CYP26B1: variants seen among roughly 807,000 people sequenced by gnomAD.
CYP26B1 encodes the protein cytochrome P450 family 26 subfamily B member 1.
In CYP26B1, 8 loss-of-function variants were observed where a neutral mutation model predicts 39.1. That is an observed-to-expected ratio of 0.20 (90% CI 0.12 to 0.37). CYP26B1 has a LOEUF of 0.37. Ranked by LOEUF, CYP26B1 falls within the 10% of genes least tolerant of loss-of-function variation. CYP26B1 has a pLI of 1.00. For synonymous variants in CYP26B1, 321 were observed against 314.3 expected (o/e 1.02, Z -0.23); for missense variants, 615 against 707.0 (o/e 0.87, Z 1.48).
Position 72,132,091 on chromosome 2 carries a change from A to C in CYP26B1, c.*136T>G. On this transcript the variant is annotated 3_prime_UTR_variant, in exon 6 of 6. Coordinates refer to ENST00000001146, the MANE Select transcript of CYP26B1 (RefSeq NM_019885.4). ...CCACTGGCTTTGGGTAGGGTTTGCCAGGGAGGGGGAGCAAGGGAGGGCAAG... is the reference window on the plus strand; with the variant it reads ...CCACTGGCTTTGGGTAGGGTTTGCCCGGGAGGGGGAGCAAGGGAGGGCAAG... The C allele has an allele frequency of 9.7e-7, 1 of 1,034,286 alleles. No homozygotes were observed. Among genetic ancestry groups the C allele is most frequent in the Admixed American group, 2.5e-5 (1 of 40,628 alleles). The allele number at this position is 1,034,286 out of a possible 1,614,324, so 64.1% of individuals were successfully genotyped here. A position where few individuals can be genotyped will look rare whatever the true frequency, so the allele number is the denominator to read the frequency against.
chr2:72,146,685 A>G (rs1677132066), intron 1 of CYP26B1, among the ~76,000 whole-genome samples: 1 of 152,178 alleles, frequency 6.6e-6, no homozygotes, highest in South Asian at 2.1e-4. Context: ...CCCTAACAGA[A>G]CAAACGCGCG....
Position 72,132,022 on chromosome 2 carries a change from G to C in CYP26B1, c.*205C>G. The C allele has an allele frequency of 1.6e-6, 1 of 620,128 alleles. No individual in the cohort carries two copies. Among genetic ancestry groups the C allele is most frequent in the Non-Finnish European group, 2.8e-6 (1 of 355,756 alleles). 38.4% of individuals were successfully genotyped at this position (620,128 alleles called of 1,614,324 possible). On this transcript the variant is annotated 3_prime_UTR_variant, in exon 6 of 6. Transcript: ENST00000001146. ...TGATGGTAAATGGGGAGTGGCTGGA[G>C]GGAAGCTGGAGCCAGAAGGGGAGCC... is the stretch of plus-strand genomic sequence containing the variant.
rs1042327765 is a variant in CYP26B1 at position 72,147,469 on chromosome 2, G to A, written c.204+162C>T. ...GTGGTCCCGGAACCGCGCTGCCGGCGGGCTGGGGAAGCCCGGGCTGCTGCG... is the reference window on the plus strand; with the variant it reads ...GTGGTCCCGGAACCGCGCTGCCGGCAGGCTGGGGAAGCCCGGGCTGCTGCG... On this transcript the variant is annotated intron_variant, in intron 1 of 5. Transcript: ENST00000001146. This position sits in a 1 kb window ranked among gnomAD's most constrained non-coding sequence, Gnocchi z 6.1. Among the ~76,000 whole-genome samples the A allele has an allele frequency of 6.6e-6, 1 of 152,234 alleles. No individual in the cohort carries two copies. The highest frequency in any genetic ancestry group is 1.5e-5 in the Non-Finnish European group (1 of 68,038).
intron 2 of CYP26B1, among the ~76,000 whole-genome samples, chr2:72,143,583 G>C (rs1677019106): frequency 6.6e-6 from 1 of 152,258 alleles, no homozygotes; most frequent in Non-Finnish European, 1.5e-5. Context: ...TGGTGGGAAG[G>C]ACAGCTTTGA....
At position 72,132,185 on chromosome 2, in the gene CYP26B1, C is replaced by A; in HGVS notation, c.*42G>T. On this transcript the variant is annotated 3_prime_UTR_variant, in exon 6 of 6. Coordinates refer to ENST00000001146, the MANE Select transcript of CYP26B1 (RefSeq NM_019885.4). ...ACAGGTTTCTACCTCCCACAACCAC[C>A]ACCCCGCTGCCTGGGCTGGGCTGAG... is the stretch of plus-strand genomic sequence containing the variant. 6.4e-7 allele frequency: 1 copy of A among 1,574,400 alleles called. No individual in the cohort carries two copies. Among genetic ancestry groups the A allele is most frequent in the Admixed American group, 1.9e-5 (1 of 53,854 alleles).
intron 5 of CYP26B1, 48 bp from the exon 6 acceptor site, chr2:72,132,667 C>T (rs1212132612): frequency 3.9e-6 from 6 of 1,557,964 alleles, no homozygotes; most frequent in Admixed American, 1.9e-5. Context: ...GCCAGAGGAG[C>T]CCACAGAGGG....
At chr2:72,146,547 GC>G (rs1295603092) in intron 1 of CYP26B1, among the ~76,000 whole-genome samples, 19 of 152,236 alleles carry the variant, frequency 1.2e-4, no homozygotes, top group African/African-American at 4.3e-4. Context: ...GTGCGCGAGC[GC>G]GCGGATTGCA....
Position 72,144,100 on chromosome 2 carries a change from G to C in CYP26B1, c.318C>G (p.Leu106=), listed in dbSNP as rs1430115144. 14 of 1,612,692 alleles carry C rather than the reference G, an allele frequency of 8.7e-6. No homozygotes were observed. Among genetic ancestry groups the C allele is most frequent in the Non-Finnish European group, 1.2e-5 (14 of 1,178,970 alleles). ...TGCTCACGAGGTGGTGCTCGCCCAT[G>C]AGGATCTTGCGCACGTTCTCCGCGC... ...VTGAENVRKI[L]MGEHHLVSTE... is the part of the protein sequence containing the mutation. Residue 106 remains leucine (L), a synonymous_variant, in exon 2 of 6, where the codon CTC becomes CTG. Coordinates refer to ENST00000001146, the MANE Select transcript of CYP26B1 (RefSeq NM_019885.4).
intron 2 of CYP26B1, 117 bp from the exon 3 acceptor site, chr2:72,135,536 C>G (rs533621986): frequency 6.8e-7 from 1 of 1,466,950 alleles, no homozygotes; most frequent in Non-Finnish European, 9.4e-7. Flanking sequence ...CACACAACAG[C>G]AAAGCCTTGG....
chr2:72,135,607 TG>T lies in CYP26B1; in HGVS notation c.430-189del, dbSNP rs1051176882. On this transcript the variant is annotated intron_variant, in intron 2 of 5. Transcript: ENST00000001146. ...GGATGTGGCTTGTGAGGGGCATAAG[TG>T]GGGGCTGGGCAGGGCCAGAGCAGGG... is the stretch of plus-strand genomic sequence containing the variant. Among the ~76,000 whole-genome samples the T allele has an allele frequency of 2.6e-5, 4 of 152,088 alleles. No homozygotes were observed. In the South Asian group the frequency reaches 6.2e-4, roughly 24 times the overall value.
At chr2:72,146,577 G>A (rs1677130179) in intron 1 of CYP26B1, among the ~76,000 whole-genome samples, 1 of 152,246 alleles carries the variant, frequency 6.6e-6, no homozygotes, top group African/African-American at 2.4e-5. Flanking sequence ...TTAATTTCAA[G>A]CCAAGCTTTC....
intron 2 of CYP26B1, among the ~76,000 whole-genome samples, chr2:72,137,735 C>G (rs757819177): frequency 2.6e-5 from 4 of 152,284 alleles, no homozygotes; most frequent in Admixed American, 1.3e-4. Context: ...AGAAGGGCCC[C>G]GGGGGACCTG....
intron 2 of CYP26B1, among the ~76,000 whole-genome samples, chr2:72,139,720 C>T (rs1408902145): frequency 6.6e-6 from 1 of 152,246 alleles, no homozygotes; most frequent in Non-Finnish European, 1.5e-5. Context: ...TGCTTCCAGC[C>T]ACCACAAACC....
At chr2:72,142,337 C>T (rs1190993371) in intron 2 of CYP26B1, among the ~76,000 whole-genome samples, 3 of 152,196 alleles carry the variant, frequency 2.0e-5, no homozygotes, top group African/African-American at 7.2e-5. Context: ...CTCCTTCCTC[C>T]TAGCACTCAC....
chr2:72,132,374 A>C lies in CYP26B1; in HGVS notation c.1392T>G (p.Phe464Leu). 1 of 1,611,806 alleles carries C rather than the reference A, an allele frequency of 6.2e-7. No individual in the cohort carries two copies. Among genetic ancestry groups the C allele is most frequent in the South Asian group, 1.1e-5 (1 of 90,926 alleles). The part of the protein sequence containing the change: ...LAVELASTSR[F>L]ELATRTFPRI... Reference sequence around the variant, plus strand: ...GGGGGAAGGTCCGTGTGGCCAGCTCAAAGCGGCTGGTGCTAGCCAGCTCCA... The same window carrying C: ...GGGGGAAGGTCCGTGTGGCCAGCTCCAAGCGGCTGGTGCTAGCCAGCTCCA... Residue 464 changes from phenylalanine to leucine, a missense_variant, in exon 6 of 6, where the codon TTT becomes TTG. By Grantham distance (22) the Phe-to-Leu change is conservative. Transcript: ENST00000001146.
At chr2:72,142,430 C>T (rs1676970069) in intron 2 of CYP26B1, among the ~76,000 whole-genome samples, 1 of 152,182 alleles carries the variant, frequency 6.6e-6, no homozygotes, top group African/African-American at 2.4e-5. Flanking sequence ...TTCCCACGGA[C>T]GCTGCAGTCC....
At chr2:72,144,488 C>G in intron 1 of CYP26B1, 1 of 1,234,320 alleles carries the variant, frequency 8.1e-7, no homozygotes, top group Non-Finnish European at 1.0e-6. Context: ...AAAGAGGTAT[C>G]CCGGACAGCT....
intron 2 of CYP26B1, among the ~76,000 whole-genome samples, chr2:72,138,070 C>T (rs1242492821): frequency 3.3e-5 from 5 of 152,182 alleles, no homozygotes; most frequent in African/African-American, 1.2e-4. Flanking sequence ...CAGAGCCCAC[C>T]GTGAGATGGA....
chr2:72,139,145 A>G (rs1435116437), intron 2 of CYP26B1, among the ~76,000 whole-genome samples: 1 of 151,990 alleles, frequency 6.6e-6, no homozygotes, highest in Non-Finnish European at 1.5e-5. Flanking sequence ...CCCACTGCCC[A>G]GGCCAGTGAC....
Sources: gnomAD v4.1 joint callset for allele counts (sites outside exome capture counted in the v4.1 genomes callset) on GRCh38, gnomAD v4.1.1 for gene constraint, Gnocchi (gnomAD v3.1) non-coding constraint, MANE v1.5 for transcripts, NCBI Gene and HGNC (gene_info 2026-07-23, HGNC 2026-07-21) for gene names.